The following NBAS variants were observed in gnomAD, a reference collection of about 807,000 sequenced individuals.
NBAS encodes NBAS subunit of NRZ tethering complex.
Under a neutral mutation model 302.5 loss-of-function variants are expected in NBAS, and 219 were observed. That is an observed-to-expected ratio of 0.72 (90% CI 0.65 to 0.81). The LOEUF (loss-of-function observed/expected upper bound fraction) is 0.81, where lower values mean the gene tolerates loss of function less well. Among genes scored for constraint, NBAS ranks in the 30% least tolerant of loss-of-function variants. The probability of loss-of-function intolerance (pLI) is 0.00; values close to 1 mark genes in which losing one functional copy is unlikely to be tolerated. For synonymous variants in NBAS, 1,118 were observed against 1,021.6 expected, an observed-to-expected ratio of 1.09 and a Z score of -1.80; for missense variants, 2,932 against 2,841.6, an observed-to-expected ratio of 1.03 and a Z score of -0.72.
At chr2:15,367,719 G>A (rs1238860293) in intron 31 of NBAS, among the ~76,000 whole-genome samples, 3 of 152,162 alleles carry the variant, frequency 2.0e-5, no homozygotes, top group Non-Finnish European at 4.4e-5. Context: ...CTACATAGGT[G>A]AGAGGGGCCA....
intron 21 of NBAS, among the ~76,000 whole-genome samples, chr2:15,457,538 C>A (rs10084390): frequency 0.62 from 94,044 of 152,050 alleles, 29,878 homozygotes; most frequent in Non-Finnish European, 0.68. Context: ...TTCTTTCTTC[C>A]TCAGTTTAAA....
the NBAS span, among the ~76,000 whole-genome samples, chr2:14,943,875 C>T: frequency 1.3e-5 from 2 of 152,006 alleles, no homozygotes; most frequent in African/African-American, 4.8e-5. Context: ...TTTTTGCAAG[C>T]ACAGCAAACA....
the NBAS span, among the ~76,000 whole-genome samples, chr2:15,030,046 A>AAAATTC: frequency 6.6e-6 from 1 of 152,222 alleles, no homozygotes; most frequent in Non-Finnish European, 1.5e-5. Context: ...GCATGGAAAA[A>AAAATTC]AAATTCAGTC....
chr2:15,234,687 G>A lies in NBAS; in HGVS notation c.6004C>T (p.His2002Tyr), dbSNP rs748509480. ...AAACAAATAGCCACAGCTTCATCAT[G>A]AAGTTTCTCTTTTTCTGATCGGGAC... ...DLSRSEKEKL[H>Y]DEAVAICLDG... Residue 2002 changes from histidine to tyrosine, a missense_variant, in exon 46 of 52, where the codon CAT becomes TAT. Coordinates refer to ENST00000281513, the MANE Select transcript of NBAS (RefSeq NM_015909.4). 1 of 1,614,116 alleles carries A rather than the reference G, an allele frequency of 6.2e-7. No homozygotes were observed. Among genetic ancestry groups the A allele is most frequent in the Middle Eastern group, 1.7e-4 (1 of 6,060 alleles).
chr2:15,427,351 G>A (rs1343631848), intron 22 of NBAS, among the ~76,000 whole-genome samples: 2 of 151,704 alleles, frequency 1.3e-5, no homozygotes, highest in Non-Finnish European at 2.9e-5. Flanking sequence ...GCTTCCCAAA[G>A]TTAAATCTGA....
the NBAS span, among the ~76,000 whole-genome samples, chr2:15,155,128 T>C: frequency 6.6e-6 from 1 of 152,212 alleles, no homozygotes; most frequent in South Asian, 2.1e-4. Context: ...TTAGTGTCTC[T>C]AAAGGATAGA....
At chr2:15,297,091 A>T (rs976210108) in intron 40 of NBAS, among the ~76,000 whole-genome samples, 1 of 152,246 alleles carries the variant, frequency 6.6e-6, no homozygotes, top group East Asian at 1.9e-4. Context: ...CTGCTAAAAC[A>T]TGTACTGAGT....
chr2:15,162,142 CAAA>C (rs1663914108), downstream of NBAS, among the ~76,000 whole-genome samples: 1 of 151,086 alleles, frequency 6.6e-6, no homozygotes, highest in South Asian at 2.1e-4. Context: ...GGCCAGCTCT[CAAA>C]CCCAGACCCC....
intron 9 of NBAS, among the ~76,000 whole-genome samples, chr2:15,521,713 CAAT>C (rs751149928): frequency 3.4e-4 from 52 of 152,282 alleles, no homozygotes; most frequent in East Asian, 5.8e-4. Flanking sequence ...TTAAAAACAA[CAAT>C]GACATTTTGA....
chr2:15,558,777 A>G, intron 1 of NBAS, 143 bp from the exon 2 acceptor site: 2 of 700,870 alleles, frequency 2.9e-6, no homozygotes, highest in Non-Finnish European at 5.1e-6. Flanking sequence ...AAACTACTTA[A>G]AGACTGGATG....
At chr2:15,541,524 A>T (rs1259695272) in intron 6 of NBAS, among the ~76,000 whole-genome samples, 1 of 152,206 alleles carries the variant, frequency 6.6e-6, no homozygotes, top group African/African-American at 2.4e-5. Flanking sequence ...TACACCAGGC[A>T]TCAACGATTT....
chr2:15,354,284 C>G (rs887258976), intron 33 of NBAS, among the ~76,000 whole-genome samples: 12 of 152,238 alleles, frequency 7.9e-5, no homozygotes, highest in South Asian at 6.2e-4. Context: ...GGACAGTGAC[C>G]GAATCACCCC....
intron 42 of NBAS, among the ~76,000 whole-genome samples, chr2:15,283,494 C>G (rs1265436290): frequency 6.6e-6 from 1 of 152,102 alleles, no homozygotes; most frequent in Non-Finnish European, 1.5e-5. Context: ...TCCATTTGCT[C>G]TGCACTTCTC....
At chr2:15,388,348 TATA>T (rs1675414904) in intron 28 of NBAS, among the ~76,000 whole-genome samples, 1 of 152,074 alleles carries the variant, frequency 6.6e-6, no homozygotes, top group Non-Finnish European at 1.5e-5. Context: ...TTGATACCCT[TATA>T]ATGTTTTCCA....
At chr2:14,967,475 G>T in the NBAS span, among the ~76,000 whole-genome samples, 2 of 152,122 alleles carry the variant, frequency 1.3e-5, no homozygotes, top group Non-Finnish European at 2.9e-5. Context: ...AGAAAAGTTA[G>T]AAAAGGAATA....
At chr2:15,091,669 A>G in the NBAS span, among the ~76,000 whole-genome samples, 1 of 151,934 alleles carries the variant, frequency 6.6e-6, no homozygotes, top group Non-Finnish European at 1.5e-5. Context: ...AGTAGCTGGG[A>G]TTACAGGCGC....
intron 38 of NBAS, among the ~76,000 whole-genome samples, chr2:15,318,378 T>G (rs1671617396): frequency 6.6e-6 from 1 of 152,016 alleles, no homozygotes; most frequent in Non-Finnish European, 1.5e-5. Context: ...AAAGACAGGA[T>G]CAAATTCACA....
chr2:15,352,316 C>T (rs903582740), intron 34 of NBAS, among the ~76,000 whole-genome samples: 40 of 152,250 alleles, frequency 2.6e-4, no homozygotes, highest in African/African-American at 9.1e-4. Context: ...TGAATTGTTA[C>T]AGGCAGTGTA....
the NBAS span, among the ~76,000 whole-genome samples, chr2:14,844,977 A>G: frequency 3.9e-5 from 6 of 152,236 alleles, no homozygotes; most frequent in African/African-American, 1.4e-4. Context: ...CCAGCAGAAC[A>G]TGCCACCCTC....
Sources: allele counts gnomAD v4.1 joint callset (sites outside exome capture counted in the v4.1 genomes callset), GRCh38; gene constraint gnomAD v4.1.1; transcripts MANE v1.5; gene names NCBI Gene and HGNC (gene_info 2026-07-23, HGNC 2026-07-21).